The following ATP8B4 variants were observed in gnomAD, a reference collection of about 807,000 sequenced individuals.
The protein encoded by ATP8B4 is ATPase phospholipid transporting 8B4 (putative), also known as probable phospholipid-transporting ATPase IM.
ATP8B4 carries 133 observed loss-of-function variants against 145.6 expected under a neutral mutation model. The observed-to-expected ratio is 0.91, with a 90% confidence interval of 0.79 to 1.05. ATP8B4 has a LOEUF of 1.05. Among genes scored for constraint, ATP8B4 ranks in the 50% least tolerant of loss-of-function variants. The pLI, the probability that ATP8B4 is intolerant of heterozygous loss-of-function variation, is 0.00. For missense variants in ATP8B4, 1,458 were observed against 1,425.2 expected, an observed-to-expected ratio of 1.02 and a Z score of -0.37; for synonymous variants, 507 against 492.9, an observed-to-expected ratio of 1.03 and a Z score of -0.38.
Position 49,987,552 on chromosome 15 carries a change from G to A in ATP8B4, c.590-3C>T. Reference sequence around the variant, plus strand: ...AGGCACCTCACAGACAACAATCCCTGGAAAATAAAAAAACAAAACAAACCT... The same window carrying A: ...AGGCACCTCACAGACAACAATCCCTAGAAAATAAAAAAACAAAACAAACCT... On this transcript the variant is annotated splice_region_variant and splice_polypyrimidine_tract_variant and intron_variant, in intron 9 of 27. Coordinates refer to ENST00000284509, the MANE Select transcript of ATP8B4 (RefSeq NM_024837.4). The A allele has an allele frequency of 1.2e-6, 2 of 1,607,066 alleles. No homozygotes were observed. Among genetic ancestry groups the A allele is most frequent in the Non-Finnish European group, 1.7e-6 (2 of 1,177,466 alleles).
intron 7 of ATP8B4, among the ~76,000 whole-genome samples, chr15:50,006,016 C>G (rs774332509): frequency 6.6e-6 from 1 of 151,962 alleles, no homozygotes; most frequent in Non-Finnish European, 1.5e-5. Context: ...TAAAAATAAA[C>G]CAAATACCTC....
chr15:50,153,552 T>C (rs987103645), intron 1 of ATP8B4, among the ~76,000 whole-genome samples: 15 of 152,096 alleles, frequency 9.9e-5, no homozygotes, highest in Non-Finnish European at 1.0e-4. Context: ...TTAGCCAGGA[T>C]AGTCTCGATC....
At chr15:50,181,200 G>GT (rs1434712862) in intron 1 of ATP8B4, among the ~76,000 whole-genome samples, 2 of 152,088 alleles carry the variant, frequency 1.3e-5, no homozygotes, top group African/African-American at 4.8e-5. Context: ...TGTATTTATC[G>GT]TATCAAATTA....
Position 49,964,391 on chromosome 15 carries a change from C to T in ATP8B4, c.1244-2371G>A, listed in dbSNP as rs2044347341. On this transcript the variant is annotated intron_variant, in intron 13 of 27. Coordinates refer to ENST00000284509, the MANE Select transcript of ATP8B4 (RefSeq NM_024837.4). Reference sequence around the variant, plus strand: ...TCTGCCTCCTCCCTACAGTAAAAGCCCATTTACAGGGCTGTTGATGAAAGT... The same window carrying T: ...TCTGCCTCCTCCCTACAGTAAAAGCTCATTTACAGGGCTGTTGATGAAAGT... Among the ~76,000 whole-genome samples the T allele has an allele frequency of 2.6e-5, 4 of 151,904 alleles. No homozygotes were observed. In the South Asian group the frequency reaches 8.3e-4, roughly 32 times the overall value.
intron 3 of ATP8B4, among the ~76,000 whole-genome samples, chr15:50,062,985 T>G (rs2053132616): frequency 6.6e-6 from 1 of 152,116 alleles, no homozygotes; most frequent in Non-Finnish European, 1.5e-5. Context: ...ATCATAGGAA[T>G]ATGACTTGGG....
intron 16 of ATP8B4, among the ~76,000 whole-genome samples, chr15:49,929,988 G>T: frequency 6.6e-6 from 1 of 151,900 alleles, no homozygotes; most frequent in Non-Finnish European, 1.5e-5. Flanking sequence ...AACTAATCTG[G>T]GATGGAAAGC....
At chr15:49,966,112 T>A (rs886829661) in intron 13 of ATP8B4, among the ~76,000 whole-genome samples, 6 of 152,168 alleles carry the variant, frequency 3.9e-5, no homozygotes, top group Non-Finnish European at 2.9e-5. Context: ...TTTCCCATGG[T>A]CTTCACAACC....
chr15:50,088,906 C>T (rs1373726112), intron 2 of ATP8B4, among the ~76,000 whole-genome samples: 1 of 152,152 alleles, frequency 6.6e-6, no homozygotes, highest in African/African-American at 2.4e-5. Context: ...TCTCAAAGAT[C>T]AGATGGTTGT....
In ATP8B4 at chr15:49,923,511, T is replaced by C. The variant is rs1253792148; in HGVS notation, c.1643-17A>G. On this transcript the variant is annotated splice_polypyrimidine_tract_variant and intron_variant, in intron 16 of 27. Transcript: ENST00000284509. Reference sequence around the variant, plus strand: ...GGTTTCGAACTGAAAAGAAAAAAGTTTGGAAAAGCAGAATATAATCAACGT... The same window carrying C: ...GGTTTCGAACTGAAAAGAAAAAAGTCTGGAAAAGCAGAATATAATCAACGT... The C allele has an allele frequency of 6.5e-7, 1 of 1,538,932 alleles. No homozygotes were observed. Among genetic ancestry groups the C allele is most frequent in the East Asian group, 2.3e-5 (1 of 44,352 alleles).
At chr15:50,051,543 T>C (rs992316433) in intron 3 of ATP8B4, among the ~76,000 whole-genome samples, 5 of 152,202 alleles carry the variant, frequency 3.3e-5, no homozygotes, top group Non-Finnish European at 2.9e-5. Context: ...AATGATGATA[T>C]TGCAGTATGT....
At chr15:50,041,054 G>T (rs1299093365) in intron 5 of ATP8B4, among the ~76,000 whole-genome samples, 1 of 152,190 alleles carries the variant, frequency 6.6e-6, no homozygotes, top group African/African-American at 2.4e-5. Context: ...GGGTAAGGTG[G>T]TAGGATAGTA....
intron 2 of ATP8B4, among the ~76,000 whole-genome samples, chr15:50,087,006 G>C (rs1252412707): frequency 9.6e-6 from 1 of 103,864 alleles, no homozygotes; most frequent in African/African-American, 4.1e-5. Context: ...AAATAATATA[G>C]AGATCTATAT....
chr15:50,123,994 T>C (rs1167837620), upstream of ATP8B4, among the ~76,000 whole-genome samples: 1 of 152,150 alleles, frequency 6.6e-6, no homozygotes, highest in Non-Finnish European at 1.5e-5. Context: ...CAGAACCTCC[T>C]TACCTCAGCA....
chr15:49,996,293 A>C (rs1230019068), intron 9 of ATP8B4, among the ~76,000 whole-genome samples: 2 of 152,096 alleles, frequency 1.3e-5, no homozygotes, highest in African/African-American at 4.8e-5. Flanking sequence ...TCTCCTAGTT[A>C]GTCTTTGTTA....
chr15:50,038,197 T>C (rs541800170), intron 6 of ATP8B4, among the ~76,000 whole-genome samples: 1 of 152,312 alleles, frequency 6.6e-6, no homozygotes, highest in African/African-American at 2.4e-5. Flanking sequence ...GTTTTTGCAG[T>C]CGTTTGTGGA....
At chr15:49,910,119 T>C (rs531428534) in intron 20 of ATP8B4, among the ~76,000 whole-genome samples, 2 of 152,076 alleles carry the variant, frequency 1.3e-5, no homozygotes, top group South Asian at 4.1e-4. Context: ...ATTCAGGATA[T>C]GATTGAGAAA....
At chr15:49,925,779 T>C (rs1322055965) in intron 16 of ATP8B4, among the ~76,000 whole-genome samples, 1 of 152,206 alleles carries the variant, frequency 6.6e-6, no homozygotes, top group East Asian at 1.9e-4. Context: ...TGCTTATGTT[T>C]ACTCATTAAA....
intron 25 of ATP8B4, among the ~76,000 whole-genome samples, chr15:49,873,692 T>TC (rs1293400008): frequency 6.6e-6 from 1 of 152,164 alleles, no homozygotes; most frequent in East Asian, 1.9e-4. Context: ...GGGCAGAGGC[T>TC]CCACAGGTAC....
At chr15:50,147,244 T>A (rs1012019687) in intron 1 of ATP8B4, among the ~76,000 whole-genome samples, 7 of 151,974 alleles carry the variant, frequency 4.6e-5, no homozygotes, top group African/African-American at 1.7e-4. Context: ...GGTAAAACCC[T>A]GCCTCTACTA....
Sources: allele counts gnomAD v4.1 joint callset (sites outside exome capture counted in the v4.1 genomes callset), GRCh38; gene constraint gnomAD v4.1.1; transcripts MANE v1.5; gene names NCBI Gene and HGNC (gene_info 2026-07-23, HGNC 2026-07-21).